Variants in ATIC observed in about 807,000 individuals in gnomAD.
The protein encoded by ATIC is 5-aminoimidazole-4-carboxamide ribonucleotide formyltransferase/IMP cyclohydrolase.
ATIC carries 64 observed loss-of-function variants against 72.5 expected under a neutral mutation model. The observed-to-expected ratio is 0.88, with a 90% CI of 0.72 to 1.09. ATIC has a LOEUF of 1.09. Among genes scored for constraint, ATIC ranks in the 50% least tolerant of loss-of-function variants. The pLI is 0.00. For synonymous variants in ATIC, 281 were observed against 267.1 expected (o/e 1.05, Z -0.51); for missense variants, 787 against 732.4 (o/e 1.07, Z -0.86).
At position 215,333,349 on chromosome 2, in the gene ATIC, G is replaced by T. The variant is rs1304812924; in HGVS notation, c.815-1G>T. 1 of 1,613,494 alleles carries T rather than the reference G, an allele frequency of 6.2e-7. No homozygotes were observed. The highest frequency in any genetic ancestry group is 2.2e-5 in the East Asian group (1 of 44,878). ...TTATGATTTTACTATTTTCTAACCA[G>T]GTGCTGCTGTTGGAATTCCACTCAG... On this transcript the variant is annotated splice_acceptor_variant, in intron 8 of 15. Transcript: ENST00000236959. LOFTEE classifies it high-confidence loss of function.
chr2:215,346,626 A>T, intron 13 of ATIC, 133 bp from the exon 14 acceptor site: 1 of 1,007,318 alleles, frequency 9.9e-7, no homozygotes, highest in South Asian at 1.3e-5. Context: ...AATTATTTAT[A>T]TTTCTCTTAT....
chr2:215,347,346 G>A (rs979821847), intron 14 of ATIC: 2 of 367,788 alleles, frequency 5.4e-6, no homozygotes, highest in Admixed American at 7.6e-5. Flanking sequence ...CTGACGGCAG[G>A]TAACCCTGGG....
chr2:215,340,488 G>C (rs1202199667), intron 12 of ATIC, among the ~76,000 whole-genome samples: 1 of 152,196 alleles, frequency 6.6e-6, no homozygotes, highest in Admixed American at 6.5e-5. Context: ...CTGTCTGGCT[G>C]ATAGCCTGGA....
rs569681061 is a variant in ATIC at position 215,313,855 on chromosome 2, C to T, written c.146+1231C>T. On this transcript the variant is annotated intron_variant, in intron 2 of 15. Transcript: ENST00000236959. ...CATGGGAAACCTGTGAGAATCGTGG[C>T]AGGCAAGTTGGCTCTTTGCTCATCA... Among the ~76,000 whole-genome samples, 5 of 152,256 alleles carry T rather than the reference C, an allele frequency of 3.3e-5. No individual in the cohort carries two copies. The South Asian group carries it at 1.0e-3, about 32-fold the overall frequency.
chr2:215,358,049 A>G, the ATIC span, among the ~76,000 whole-genome samples: 6 of 152,180 alleles, frequency 3.9e-5, no homozygotes, highest in Admixed American at 6.5e-5. Context: ...TTCAATGGAA[A>G]TATAATTAAA....
In ATIC at chr2:215,338,766, A is replaced by G; in HGVS notation, c.1099-13A>G. Reference sequence around the variant, plus strand: ...GGAGAGATTAACTTTAACTTTTAAAATTTGTATTTTAGATGGACCAATCTT... The same window carrying G: ...GGAGAGATTAACTTTAACTTTTAAAGTTTGTATTTTAGATGGACCAATCTT... On this transcript the variant is annotated splice_polypyrimidine_tract_variant and intron_variant, in intron 11 of 15. Coordinates refer to ENST00000236959, the MANE Select transcript of ATIC (RefSeq NM_004044.7). 3 of 1,612,626 alleles carry G rather than the reference A, an allele frequency of 1.9e-6. No individual in the cohort carries two copies. Among genetic ancestry groups the G allele is most frequent in the Non-Finnish European group, 2.5e-6 (3 of 1,179,216 alleles).
the ATIC span, chr2:215,360,641 A>C: frequency 6.6e-6 from 1 of 152,554 alleles, no homozygotes; most frequent in Non-Finnish European, 1.5e-5. Flanking sequence ...GGTCCACTTA[A>C]ATCTATTAAA....
intron 4 of ATIC, 24 bp downstream of exon 4, chr2:215,319,755 T>G: frequency 3.2e-6 from 5 of 1,574,186 alleles, no homozygotes; most frequent in Non-Finnish European, 4.4e-6. Flanking sequence ...ATTAAACTTT[T>G]AACACATTAC....
chr2:215,366,909 G>GT, the ATIC span, among the ~76,000 whole-genome samples: 2 of 152,182 alleles, frequency 1.3e-5, no homozygotes, highest in East Asian at 3.8e-4. Flanking sequence ...AGCATGTGAT[G>GT]TTTTTAGTGT....
intron 12 of ATIC, among the ~76,000 whole-genome samples, chr2:215,339,630 TA>T (rs1295041375): frequency 6.6e-6 from 1 of 151,912 alleles, no homozygotes; most frequent in Non-Finnish European, 1.5e-5. Flanking sequence ...TTGATTGATT[TA>T]TTTTTTTATT....
chr2:215,326,241 C>A, intron 6 of ATIC, 103 bp downstream of exon 6: 1 of 1,404,846 alleles, frequency 7.1e-7, no homozygotes, highest in Non-Finnish European at 1.0e-6. Flanking sequence ...CCTACCAAAG[C>A]TTTGCTTGGA....
rs778731660 is a variant in ATIC, at chr2:215,318,176, G to A, written c.166G>A (p.Gly56Arg). 1.2e-6 allele frequency: 2 copies of A among 1,614,040 alleles called. No individual in the cohort carries two copies. Among genetic ancestry groups the A allele is most frequent in the Admixed American group, 1.7e-5 (1 of 60,022 alleles). Residue 56 changes from glycine (G) to arginine (R), a missense_variant, in exon 3 of 16, where the codon GGA (glycine) becomes AGA (arginine). Gly to Arg is a moderately radical substitution (Grantham distance 125). Transcript: ENST00000236959. ...TTTCAGAGATGTCTCTGAGTTGACG[G>A]GATTTCCTGAAATGTTGGGGGGACG... ...LAVRDVSELT[G>R]FPEMLGGRVK...
rs760175417 is a variant in ATIC at position 215,325,356 on chromosome 2, A to C, written c.379+27A>C. On this transcript the variant is annotated intron_variant, in intron 5 of 15. Transcript: ENST00000236959. ...TAAGTCAGAAAAACCATTTTAGAAGACTGAGAGGAGAGGATTATTTAAATT... is the reference window on the plus strand; with the variant it reads ...TAAGTCAGAAAAACCATTTTAGAAGCCTGAGAGGAGAGGATTATTTAAATT... 6.0e-6 allele frequency: 9 copies of C among 1,512,448 alleles called. No homozygotes were observed. In the African/African-American group the frequency reaches 1.2e-4, roughly 21 times the overall value. 93.7% of individuals were successfully genotyped at this position (1,512,448 alleles called of 1,614,324 possible).
intron 3 of ATIC, among the ~76,000 whole-genome samples, chr2:215,318,771 G>A (rs781127504): frequency 1.1e-4 from 16 of 152,094 alleles, no homozygotes; most frequent in Non-Finnish European, 2.4e-4. Context: ...GAAACGCATA[G>A]ACTGTTCTGG....
chr2:215,339,216 T>C (rs550426939), intron 12 of ATIC, among the ~76,000 whole-genome samples: 2 of 152,322 alleles, frequency 1.3e-5, no homozygotes, highest in South Asian at 4.1e-4. Context: ...TACAAATGTG[T>C]TTTTATATCA....
rs370092739 is a variant in ATIC at position 215,312,489 on chromosome 2, C to T, written c.20-9C>T. On this transcript the variant is annotated splice_polypyrimidine_tract_variant and intron_variant, in intron 1 of 15. Transcript: ENST00000236959. The stretch of plus-strand genomic sequence containing the variant: ...TGCGAATCATGAGAAAAAATGTCTT[C>T]TCTTTCAGCCTTATTTAGTGTCTCT... The T allele has an allele frequency of 7.4e-6, 12 of 1,614,112 alleles. No homozygotes were observed. In the African/African-American group the frequency reaches 1.3e-4, roughly 18 times the overall value.
rs1427047431 is a variant in ATIC, at chr2:215,312,819, C to T, written c.146+195C>T. 2.6e-5 allele frequency among the ~76,000 whole-genome samples: 4 copies of T among 152,166 alleles called. No homozygotes were observed. In the East Asian group the frequency reaches 7.7e-4, roughly 29 times the overall value. Reference sequence around the variant, plus strand: ...TAGCAACTTTTAAGACCCTGGACGGCTGGGCTAGGTGGCTCACGCATGTAA... The same window carrying T: ...TAGCAACTTTTAAGACCCTGGACGGTTGGGCTAGGTGGCTCACGCATGTAA... On this transcript the variant is annotated intron_variant, in intron 2 of 15. Coordinates refer to ENST00000236959, the MANE Select transcript of ATIC (RefSeq NM_004044.7).
intron 4 of ATIC, among the ~76,000 whole-genome samples, chr2:215,319,985 A>G (rs780088259): frequency 7.4e-4 from 112 of 152,198 alleles, no homozygotes; most frequent in Non-Finnish European, 1.2e-3. Flanking sequence ...CTTGGGACCC[A>G]GAAGTGTCTT....
At position 215,312,846 on chromosome 2, in the gene ATIC, C is replaced by G. The variant is rs150555294; in HGVS notation, c.146+222C>G. On this transcript the variant is annotated intron_variant, in intron 2 of 15. Transcript: ENST00000236959. The stretch of plus-strand genomic sequence containing the variant: ...GGGCTAGGTGGCTCACGCATGTAAT[C>G]CCAGCACTTTGGGAGGCCGAGGTGG... Among the ~76,000 whole-genome samples, 1,283 of 152,262 alleles carry G rather than the reference C, an allele frequency of 8.4e-3. 18 individuals are homozygous for G. Among genetic ancestry groups the G allele is most frequent in the African/African-American group, 0.029 (1,216 of 41,536 alleles).
Sources: gnomAD v4.1 joint callset for allele counts (sites outside exome capture counted in the v4.1 genomes callset) on GRCh38, gnomAD v4.1.1 for gene constraint, MANE v1.5 for transcripts, NCBI Gene and HGNC (gene_info 2026-07-23, HGNC 2026-07-21) for gene names.